RIMKLB: variants seen among roughly 807,000 people sequenced by gnomAD.
RIMKLB encodes the protein ribosomal modification protein rimK like family member B.
In RIMKLB, 7 loss-of-function variants were observed where a neutral mutation model predicts 32.0. The ratio of observed to expected loss-of-function variants is 0.22; its 90% confidence interval spans 0.12 to 0.41. The LOEUF (loss-of-function observed/expected upper bound fraction) is 0.41, where lower values mean the gene tolerates loss of function less well. RIMKLB is among the 10% of genes least tolerant of loss of function. The pLI is 1.00. For synonymous variants in RIMKLB, 172 were observed against 185.1 expected, an observed-to-expected ratio of 0.93 and a Z score of 0.57; for missense variants, 289 against 498.7, an observed-to-expected ratio of 0.58 and a Z score of 4.00.
chr12:8,758,432 A>C (rs1949246555), intron 5 of RIMKLB, among the ~76,000 whole-genome samples: 1 of 152,106 alleles, frequency 6.6e-6, no homozygotes, highest in Admixed American at 6.6e-5. Context: ...GATTTATCTA[A>C]TCTGACTTCA....
At chr12:8,728,339 GTAAA>G in intron 2 of RIMKLB, among the ~76,000 whole-genome samples, 1 of 152,214 alleles carries the variant, frequency 6.6e-6, no homozygotes, top group East Asian at 1.9e-4. Context: ...AGGAACTGGA[GTAAA>G]TAGGCCTTTA....
intron 4 of RIMKLB, 51 bp from the exon 5 acceptor site, chr12:8,753,839 T>C: frequency 7.1e-7 from 1 of 1,409,400 alleles, no homozygotes; most frequent in Non-Finnish European, 1.0e-6. Flanking sequence ...ATAGGTATCA[T>C]CTGCCCACAA....
intron 5 of RIMKLB, among the ~76,000 whole-genome samples, chr12:8,766,576 CAG>C (rs1949986642): frequency 6.6e-6 from 1 of 152,186 alleles, no homozygotes; most frequent in Non-Finnish European, 1.5e-5. Flanking sequence ...AAACAGCTCG[CAG>C]GTTTGAGCAG....
chr12:8,718,291 C>G (rs1293474355), intron 2 of RIMKLB, among the ~76,000 whole-genome samples: 3 of 152,136 alleles, frequency 2.0e-5, no homozygotes, highest in African/African-American at 4.8e-5. Context: ...ATAGAATTGA[C>G]AAAAATATTT....
upstream of RIMKLB, among the ~76,000 whole-genome samples, chr12:8,696,689 C>G (rs746740260): frequency 1.3e-5 from 2 of 152,006 alleles, no homozygotes; most frequent in African/African-American, 2.4e-5. Context: ...CCAGAAGTTA[C>G]CACCCTGGGT....
intron 5 of RIMKLB, among the ~76,000 whole-genome samples, chr12:8,762,762 T>TG: frequency 6.6e-6 from 1 of 152,190 alleles, no homozygotes; most frequent in Non-Finnish European, 1.5e-5. Context: ...AGGGGGTTAC[T>TG]TTGAAGTATT....
chr12:8,764,229 A>G (rs1314650363), intron 5 of RIMKLB, among the ~76,000 whole-genome samples: 1 of 152,150 alleles, frequency 6.6e-6, no homozygotes, highest in Non-Finnish European at 1.5e-5. Context: ...AAGGAGGCGG[A>G]ATCCTTTAAC....
At chr12:8,751,092 T>C (rs1948587199) in intron 3 of RIMKLB, among the ~76,000 whole-genome samples, 1 of 152,318 alleles carries the variant, frequency 6.6e-6, no homozygotes, top group East Asian at 1.9e-4. Flanking sequence ...AGAGACAGAA[T>C]TAATATAAGT....
At chr12:8,703,445 A>G (rs781025704) in intron 1 of RIMKLB, among the ~76,000 whole-genome samples, 1 of 152,270 alleles carries the variant, frequency 6.6e-6, no homozygotes, top group South Asian at 2.1e-4. Context: ...CCCCTGCCTC[A>G]GCCTCTTTAG....
chr12:8,777,983 A>G (rs1261785946), downstream of RIMKLB, among the ~76,000 whole-genome samples: 1 of 152,186 alleles, frequency 6.6e-6, no homozygotes, highest in Non-Finnish European at 1.5e-5. Flanking sequence ...GTAAAGTTTG[A>G]CTTGGTTATG....
At chr12:8,738,120 G>GGAGCCTCGATT (rs1193941369) in intron 2 of RIMKLB, among the ~76,000 whole-genome samples, 3 of 152,142 alleles carry the variant, frequency 2.0e-5, no homozygotes, top group Non-Finnish European at 4.4e-5. Context: ...AGGGACAGTG[G>GGAGCCTCGATT]GAGCCTCGAC....
intron 5 of RIMKLB, among the ~76,000 whole-genome samples, chr12:8,755,232 T>C (rs1235628563): frequency 6.6e-6 from 1 of 151,890 alleles, no homozygotes; most frequent in East Asian, 1.9e-4. Flanking sequence ...ATTACAGGCA[T>C]GAGCCACCAC....
chr12:8,775,305 C>T lies in RIMKLB; in HGVS notation c.*1521C>T. 6 of 985,322 alleles carry T rather than the reference C, an allele frequency of 6.1e-6. No homozygotes were observed. Among genetic ancestry groups the T allele is most frequent in the Non-Finnish European group, 6.0e-6 (5 of 829,848 alleles). 61.0% of individuals were successfully genotyped at this position (985,322 alleles called of 1,614,324 possible). A position where few individuals can be genotyped will look rare whatever the true frequency, so the allele number is the denominator to read the frequency against. On this transcript the variant is annotated 3_prime_UTR_variant, in exon 6 of 6. Coordinates refer to ENST00000535829, the MANE Select transcript of RIMKLB (RefSeq NM_001297776.2). ...CTACTCTTAAGCCTTCAATACTGTC[C>T]ACTCTTTATATTCCTTTACTTGCAG...
At chr12:8,779,152 A>G (rs905409578), downstream of RIMKLB, 14 of 152,356 alleles carry the variant, frequency 9.2e-5, no homozygotes, top group South Asian at 8.3e-4. Context: ...CTAACATTAG[A>G]GCATACAGAC....
the RIMKLB span, among the ~76,000 whole-genome samples, chr12:8,673,594 G>C: frequency 1.3e-5 from 2 of 151,442 alleles, no homozygotes; most frequent in African/African-American, 4.9e-5. Context: ...CAACTCACTC[G>C]AGCTTCTTTT....
intron 1 of RIMKLB, among the ~76,000 whole-genome samples, chr12:8,707,223 C>T (rs965761899): frequency 3.3e-5 from 5 of 152,118 alleles, no homozygotes; most frequent in Admixed American, 2.6e-4. Context: ...GTTGCCAAAA[C>T]GACCCCGTAC....
At chr12:8,697,438 G>A (rs1460479522), upstream of RIMKLB, 1 of 152,900 alleles carries the variant, frequency 6.5e-6, no homozygotes, top group Non-Finnish European at 1.5e-5. Flanking sequence ...GGAGGCGTCG[G>A]GATGCCGGCA....
At chr12:8,702,935 T>G (rs1943528577) in intron 1 of RIMKLB, among the ~76,000 whole-genome samples, 1 of 152,254 alleles carries the variant, frequency 6.6e-6, no homozygotes, top group Non-Finnish European at 1.5e-5. Flanking sequence ...AACTGTCTTC[T>G]GTGCCATGTT....
At position 8,773,311 on chromosome 12, in the gene RIMKLB, C is replaced by T. The variant is rs775011379; in HGVS notation, c.698-10C>T. ...ATTTTGTTAATTTCCTGTCTTGTTT[C>T]TTTTGCCAGGTGGTGTGGGGATGAT... On this transcript the variant is annotated splice_polypyrimidine_tract_variant and intron_variant, in intron 5 of 5. Transcript: ENST00000535829. The T allele has an allele frequency of 6.6e-5, 104 of 1,581,462 alleles. No individual in the cohort carries two copies. Among genetic ancestry groups the T allele is most frequent in the Non-Finnish European group, 8.8e-5 (101 of 1,153,058 alleles).
Sources: gnomAD v4.1 joint callset for allele counts (sites outside exome capture counted in the v4.1 genomes callset) on GRCh38, gnomAD v4.1.1 for gene constraint, MANE v1.5 for transcripts, NCBI Gene and HGNC (gene_info 2026-07-23, HGNC 2026-07-21) for gene names.